Variants in PRKN observed in about 807,000 individuals in gnomAD.
PRKN encodes E3 ubiquitin-protein ligase parkin.
A neutral mutation model predicts 59.5 loss-of-function variants in PRKN; 56 were observed. That is an observed-to-expected ratio of 0.94 (90% confidence interval 0.76 to 1.18). PRKN has a LOEUF of 1.18. PRKN is among the 50% of genes most tolerant of loss of function. The pLI is 0.00. For synonymous variants in PRKN, 250 were observed against 222.1 expected (o/e 1.13, Z -1.12); for missense variants, 657 against 596.4 (o/e 1.10, Z -1.06).
At chr6:162,201,002 T>A (rs751514097) in intron 4 of PRKN, 129 bp downstream of exon 4, 2 of 1,069,170 alleles carry the variant, frequency 1.9e-6, no homozygotes, top group African/African-American at 3.1e-5. Flanking sequence ...TCATTAACTA[T>A]CACAACCACA....
intron 7 of PRKN, among the ~76,000 whole-genome samples, chr6:161,570,406 C>T: frequency 6.7e-6 from 1 of 149,122 alleles, no homozygotes; most frequent in East Asian, 1.9e-4. Flanking sequence ...ACAGTTGACC[C>T]TGGAACAACA....
chr6:162,276,273 C>T (rs2128105013), intron 2 of PRKN, among the ~76,000 whole-genome samples: 1 of 152,206 alleles, frequency 6.6e-6, no homozygotes, highest in South Asian at 2.1e-4. Flanking sequence ...GATTAGATGT[C>T]ACATAATTAC....
chr6:162,299,729 A>G (rs944057512), intron 2 of PRKN, among the ~76,000 whole-genome samples: 8 of 151,996 alleles, frequency 5.3e-5, no homozygotes, highest in African/African-American at 1.7e-4. Flanking sequence ...TCATGGCCAT[A>G]CAGTGGGCTG....
chr6:161,839,134 G>A (rs971815244), intron 6 of PRKN, among the ~76,000 whole-genome samples: 1 of 152,140 alleles, frequency 6.6e-6, no homozygotes, highest in Non-Finnish European at 1.5e-5. Context: ...GAGCTCTCTT[G>A]TCTACTGAAG....
chr6:162,047,127 A>G (rs183087645), intron 5 of PRKN, among the ~76,000 whole-genome samples: 218 of 152,314 alleles, frequency 1.4e-3, no homozygotes, highest in African/African-American at 5.2e-3. Flanking sequence ...TCACAATTCA[A>G]TTTTGTTTAG....
At chr6:162,223,661 A>ACACACACACACACACACAC (rs11452001) in intron 3 of PRKN, among the ~76,000 whole-genome samples, 1 of 60,738 alleles carries the variant, frequency 1.6e-5, no homozygotes, top group African/African-American at 7.1e-5. Context: ...ACACACACAC[A>ACACACACACACACACACAC]AACATAATGC....
At position 162,056,439 on chromosome 6, in the gene PRKN, C is replaced by T. The variant is rs2128286249; in HGVS notation, c.535-2265G>A. Among the ~76,000 whole-genome samples the T allele has an allele frequency of 6.6e-6, 1 of 152,270 alleles. No homozygotes were observed. The highest frequency in any genetic ancestry group is 1.9e-4 in the East Asian group (1 of 5,166). On this transcript the variant is annotated intron_variant, in intron 4 of 11. Transcript: ENST00000366898. The surrounding 1 kb of genome is among the most constrained non-coding windows in gnomAD (Gnocchi z 4.9). ...GGGGACGCAGAGCAGTTCTCCAGGCCTGAGCCGTACCTGAAAGAGACTGAG... is the reference window on the plus strand; with the variant it reads ...GGGGACGCAGAGCAGTTCTCCAGGCTTGAGCCGTACCTGAAAGAGACTGAG...
rs189750887 is a variant in PRKN at position 162,392,923 on chromosome 6, C to T, written c.171+50387G>A. ...TCAAAGACCAGGAGCATGTCGGATC[C>T]GGGCTCACTGCTAAGCTTTCTCTGA... On this transcript the variant is annotated intron_variant, in intron 2 of 11. Coordinates refer to ENST00000366898, the MANE Select transcript of PRKN (RefSeq NM_004562.3). Among the ~76,000 whole-genome samples the T allele has an allele frequency of 1.9e-3, 286 of 152,006 alleles. 1 individual carries two copies. The highest frequency in any genetic ancestry group is 6.7e-3 in the African/African-American group (276 of 41,390).
chr6:161,729,940 TCTTTCTGATGTGTTG>T (rs1317078341), intron 7 of PRKN, among the ~76,000 whole-genome samples: 1 of 152,222 alleles, frequency 6.6e-6, no homozygotes, highest in East Asian at 1.9e-4. Context: ...CATGTTGCAT[TCTTTCTGATGTGTTG>T]CATTCTGATG....
At chr6:161,793,763 A>G (rs1461950842) in intron 6 of PRKN, among the ~76,000 whole-genome samples, 2 of 152,208 alleles carry the variant, frequency 1.3e-5, no homozygotes, top group Non-Finnish European at 2.9e-5. Flanking sequence ...AAGAGGCTGA[A>G]CAAACTAAAT....
chr6:162,539,861 C>T (rs1284497269), intron 1 of PRKN, among the ~76,000 whole-genome samples: 1 of 152,262 alleles, frequency 6.6e-6, no homozygotes, highest in South Asian at 2.1e-4. Context: ...AGAAATACCA[C>T]AGTCATAATT....
chr6:162,315,353 A>T (rs1283663645), intron 2 of PRKN, among the ~76,000 whole-genome samples: 7 of 152,202 alleles, frequency 4.6e-5, no homozygotes, highest in Non-Finnish European at 1.0e-4. Flanking sequence ...TAATTCAGTG[A>T]AAAGTGCTAA....
At chr6:161,431,583 TTTTC>T (rs1046495310) in intron 9 of PRKN, among the ~76,000 whole-genome samples, 3 of 151,988 alleles carry the variant, frequency 2.0e-5, no homozygotes, top group Non-Finnish European at 4.4e-5. Context: ...GAATATTTTC[TTTTC>T]TTTCTTTCTT....
chr6:161,802,030 C>T (rs1235937273), intron 6 of PRKN, among the ~76,000 whole-genome samples: 15 of 152,052 alleles, frequency 9.9e-5, no homozygotes, highest in Admixed American at 4.6e-4. Flanking sequence ...ACAAGGAATT[C>T]GTGCTAAATG....
chr6:161,550,738 C>CGT lies in PRKN; in HGVS notation c.934-1737_934-1736dup, dbSNP rs57908717. ...AAGAAAGGGTATGTGTGTGTGTGCA[C>CGT]GTGTGTGTGTGTGTGTGTGTGTGTA... On this transcript the variant is annotated intron_variant, in intron 8 of 11. Coordinates refer to ENST00000366898, the MANE Select transcript of PRKN (RefSeq NM_004562.3). This position sits in a 1 kb window ranked among gnomAD's most constrained non-coding sequence, Gnocchi z 4.0. Among the ~76,000 whole-genome samples the CGT allele has an allele frequency of 0.065, 9,453 of 146,172 alleles. 369 individuals are homozygous for CGT. The highest frequency in any genetic ancestry group is 0.11 in the African/African-American group (4,442 of 38,706).
chr6:162,581,428 T>C lies in PRKN; in HGVS notation c.8-137955A>G, dbSNP rs144483167. On this transcript the variant is annotated intron_variant, in intron 1 of 11. Transcript: ENST00000366898. ...ATTTCTAATTTTCCCATGGAATGAC[T>C]TACATAAAGAATTTGTAGATCTTCA... Among the ~76,000 whole-genome samples, 326 of 152,346 alleles carry C rather than the reference T, an allele frequency of 2.1e-3. 2 individuals carry two copies. Among genetic ancestry groups the C allele is most frequent in the African/African-American group, 7.5e-3 (312 of 41,584 alleles).
At chr6:162,391,612 C>T (rs1245787127) in intron 2 of PRKN, among the ~76,000 whole-genome samples, 1 of 152,136 alleles carries the variant, frequency 6.6e-6, no homozygotes, top group African/African-American at 2.4e-5. Context: ...GCAATGACTT[C>T]ATCCTGGAAG....
rs114118238 is a variant in PRKN, at chr6:162,050,365, C to T, written c.618+3726G>A. 3.0e-3 allele frequency among the ~76,000 whole-genome samples: 450 copies of T among 152,268 alleles called. 1 individual carries two copies. The highest frequency in any genetic ancestry group is 0.01 in the African/African-American group (435 of 41,568). The stretch of plus-strand genomic sequence containing the variant: ...CTAAGAGTCATTGTCTTTCACATTT[C>T]AGTTAGTGCATTTCCATTTCTTTTC... On this transcript the variant is annotated intron_variant, in intron 5 of 11. Coordinates refer to ENST00000366898, the MANE Select transcript of PRKN (RefSeq NM_004562.3).
At chr6:162,266,981 C>G (rs759483502) in intron 2 of PRKN, among the ~76,000 whole-genome samples, 2 of 151,930 alleles carry the variant, frequency 1.3e-5, no homozygotes, top group Admixed American at 6.6e-5. Context: ...AACTAAAAAT[C>G]GATACAAAAA....
Sources: allele counts gnomAD v4.1 joint callset (sites outside exome capture counted in the v4.1 genomes callset), GRCh38; gene constraint gnomAD v4.1.1; non-coding constraint Gnocchi (gnomAD v3.1); transcripts MANE v1.5; gene names NCBI Gene and HGNC (gene_info 2026-07-23, HGNC 2026-07-21).